The following PPP2R5C variants were observed in gnomAD, a reference collection of about 807,000 sequenced individuals.
The protein encoded by PPP2R5C is protein phosphatase 2 regulatory subunit B'gamma.
Under a neutral mutation model 68.9 loss-of-function variants are expected in PPP2R5C, and 7 were observed. The ratio of observed to expected loss-of-function variants is 0.10; its 90% confidence interval spans 0.06 to 0.19. The LOEUF (loss-of-function observed/expected upper bound fraction) is 0.19, where lower values mean the gene tolerates loss of function less well. Ranked by LOEUF, PPP2R5C falls within the 10% of genes least tolerant of loss-of-function variation. PPP2R5C has a pLI of 1.00. For synonymous variants in PPP2R5C, 210 were observed against 222.2 expected, an observed-to-expected ratio of 0.95 and a Z score of 0.49; for missense variants, 348 against 641.3, an observed-to-expected ratio of 0.54 and a Z score of 4.94.
chr14:101,913,520 G>T lies in PPP2R5C; in HGVS notation c.1326+1047G>T, dbSNP rs2046500089. On this transcript the variant is annotated intron_variant, in intron 12 of 13. Transcript: ENST00000334743. The surrounding 1 kb of genome is among the most constrained non-coding windows in gnomAD (Gnocchi z 4.1). ...GAGCCCTTGAGTCCACCTAAAACAG[G>T]TAGCCAGCATTTTTCTAGCAGTTAT... 6.6e-6 allele frequency among the ~76,000 whole-genome samples: 1 copy of T among 152,162 alleles called. No homozygotes were observed. Among genetic ancestry groups the T allele is most frequent in the African/African-American group, 2.4e-5 (1 of 41,418 alleles).
chr14:101,883,100 C>A, intron 3 of PPP2R5C, 157 bp from the exon 6 acceptor site: 1 of 590,390 alleles, frequency 1.7e-6, no homozygotes, highest in Non-Finnish European at 2.9e-6. Context: ...CACCATTTAT[C>A]ATTGAATTAA....
intron 3 of PPP2R5C, among the ~76,000 whole-genome samples, chr14:101,791,579 A>G (rs2038367229): frequency 6.6e-6 from 1 of 151,936 alleles, no homozygotes; most frequent in South Asian, 2.1e-4. Flanking sequence ...CTTATTCTCA[A>G]TTTTTGTTAT....
intron 9 of PPP2R5C, among the ~76,000 whole-genome samples, chr14:101,902,141 T>C (rs2045722669): frequency 6.6e-6 from 1 of 152,200 alleles, no homozygotes; most frequent in African/African-American, 2.4e-5. Flanking sequence ...AAAGCTGTCT[T>C]TATCTTCATG....
intron 3 of PPP2R5C, among the ~76,000 whole-genome samples, chr14:101,800,047 C>G (rs1272715683): frequency 2.6e-5 from 4 of 152,126 alleles, no homozygotes; most frequent in African/African-American, 9.7e-5. Context: ...TCCCTTGAGC[C>G]TAGGAGTTTG....
In PPP2R5C at chr14:101,915,707, AT is replaced by A. The variant is rs1242050695; in HGVS notation, c.1327-2121del. On this transcript the variant is annotated intron_variant, in intron 12 of 13. Coordinates refer to ENST00000334743, the Ensembl canonical transcript of PPP2R5C. This position sits in a 1 kb window ranked among gnomAD's most constrained non-coding sequence, Gnocchi z 4.2. ...AGGTGCTGTGTCCTGAATTGTGGAA[AT>A]TTCTAGGGATACAAAGATGAGAACA... Among the ~76,000 whole-genome samples the A allele has an allele frequency of 6.6e-6, 1 of 152,174 alleles. No homozygotes were observed. The highest frequency in any genetic ancestry group is 1.5e-5 in the Non-Finnish European group (1 of 68,032).
chr14:101,809,552 CTTTT>C (rs5811049), upstream of PPP2R5C, among the ~76,000 whole-genome samples: 2 of 92,896 alleles, frequency 2.2e-5, no homozygotes, highest in African/African-American at 4.9e-5. Context: ...TATACACACA[CTTTT>C]TTTTTTTTTT....
upstream of PPP2R5C, among the ~76,000 whole-genome samples, chr14:101,805,365 C>T (rs936600355): frequency 2.0e-5 from 3 of 152,206 alleles, no homozygotes; most frequent in Non-Finnish European, 4.4e-5. Context: ...CCACCACACC[C>T]GGCCCTGTGC....
At chr14:101,859,691 G>C (rs2042643863) in intron 2 of PPP2R5C, among the ~76,000 whole-genome samples, 1 of 152,182 alleles carries the variant, frequency 6.6e-6, no homozygotes, top group Non-Finnish European at 1.5e-5. Context: ...TAAGCAACCA[G>C]TACAAGGCCT....
In PPP2R5C at chr14:101,801,195, G is replaced by T. The variant is rs2038847966; in HGVS notation, c.259+15012G>T. Among the ~76,000 whole-genome samples, 3 of 152,198 alleles carry T rather than the reference G, an allele frequency of 2.0e-5. 1 individual carries two copies. Among genetic ancestry groups the T allele is most frequent in the African/African-American group, 2.4e-5 (1 of 41,454 alleles). ...ATAATTTATTATATATTTCAAAGTA[G>T]CTGGAAGAGAAGAATTGTAATGTTT... On this transcript the variant is annotated intron_variant, in intron 3 of 14. Transcript: ENST00000328724.
intron 8 of PPP2R5C, among the ~76,000 whole-genome samples, chr14:101,897,543 C>T (rs754183747): frequency 6.6e-5 from 10 of 152,012 alleles, no homozygotes; most frequent in South Asian, 2.1e-4. Context: ...AGGAAGCGTC[C>T]GGCACGGGAG....
intron 3 of PPP2R5C, among the ~76,000 whole-genome samples, chr14:101,799,510 C>G (rs1252833632): frequency 6.6e-6 from 1 of 152,212 alleles, no homozygotes; most frequent in Non-Finnish European, 1.5e-5. Context: ...TGAGCGACAG[C>G]TCTGTCTAGC....
intron 3 of PPP2R5C, among the ~76,000 whole-genome samples, chr14:101,792,149 G>A (rs866018942): frequency 6.6e-6 from 1 of 152,162 alleles, no homozygotes; most frequent in Admixed American, 6.5e-5. Flanking sequence ...CAGAGGCAAC[G>A]CTTTATAACT....
At chr14:101,792,146 A>G (rs979312885) in intron 3 of PPP2R5C, among the ~76,000 whole-genome samples, 2 of 152,200 alleles carry the variant, frequency 1.3e-5, no homozygotes, top group Non-Finnish European at 2.9e-5. Context: ...CATCAGAGGC[A>G]ACGCTTTATA....
At chr14:101,833,848 C>T (rs1462353510) in intron 1 of PPP2R5C, among the ~76,000 whole-genome samples, 1 of 152,172 alleles carries the variant, frequency 6.6e-6, no homozygotes, top group African/African-American at 2.4e-5. Flanking sequence ...GTCACCCAGG[C>T]TGGAGTGCAG....
At chr14:101,890,374 C>T (rs2044789299) in intron 6 of PPP2R5C, 78 bp downstream of exon 8, 3 of 1,382,258 alleles carry the variant, frequency 2.2e-6, no homozygotes, top group Non-Finnish European at 2.0e-6. Flanking sequence ...AGTCCAGCTG[C>T]CCGCTTTAAA....
upstream of PPP2R5C, chr14:101,761,677 ACGCCGCCGCTGCCGC>A (rs1052151292): frequency 1.0e-5 from 2 of 192,874 alleles, no homozygotes; most frequent in Non-Finnish European, 1.7e-5. Context: ...GGGCGGAGAG[ACGCCGCCGCTGCCGC>A]CGCCGCCGCC....
At chr14:101,783,465 C>G (rs1157890713) in intron 2 of PPP2R5C, among the ~76,000 whole-genome samples, 2 of 151,700 alleles carry the variant, frequency 1.3e-5, no homozygotes, top group Non-Finnish European at 2.9e-5. Context: ...GTGGGGCAGG[C>G]AGCTGGTGGC....
At chr14:101,876,719 C>G (rs1054266912) in intron 2 of PPP2R5C, among the ~76,000 whole-genome samples, 3 of 152,188 alleles carry the variant, frequency 2.0e-5, no homozygotes, top group African/African-American at 7.2e-5. Flanking sequence ...AGAGACGGTC[C>G]TGGCACAGAT....
At chr14:101,792,318 A>C (rs2038396467) in intron 3 of PPP2R5C, among the ~76,000 whole-genome samples, 1 of 152,230 alleles carries the variant, frequency 6.6e-6, no homozygotes, top group Non-Finnish European at 1.5e-5. Flanking sequence ...AAAAAGTACT[A>C]GTAATAGTCT....
Sources: allele counts gnomAD v4.1 joint callset (sites outside exome capture counted in the v4.1 genomes callset), GRCh38; gene constraint gnomAD v4.1.1; non-coding constraint Gnocchi (gnomAD v3.1); transcripts MANE v1.5; gene names NCBI Gene and HGNC (gene_info 2026-07-23, HGNC 2026-07-21).